Variants in MACROH2A1 observed in about 807,000 individuals in gnomAD.
The protein encoded by MACROH2A1 is macroH2A.1 histone, also known as core histone macro-H2A.1.
MACROH2A1 carries 2 observed loss-of-function variants against 31.6 expected under a neutral mutation model. The observed-to-expected ratio is 0.06, with a 90% CI of 0.03 to 0.20. The LOEUF (loss-of-function observed/expected upper bound fraction) is 0.20, where lower values mean the gene tolerates loss of function less well. MACROH2A1 is among the 10% of genes least tolerant of loss of function. The pLI, the probability that MACROH2A1 is intolerant of heterozygous loss-of-function variation, is 1.00. For missense variants in MACROH2A1, 230 were observed against 474.0 expected (o/e 0.49, Z 4.78); for synonymous variants, 169 against 189.6 (o/e 0.89, Z 0.89).
intron 1 of MACROH2A1, among the ~76,000 whole-genome samples, chr5:135,393,632 T>C (rs1767558679): frequency 6.6e-6 from 1 of 152,256 alleles, no homozygotes; most frequent in Non-Finnish European, 1.5e-5. Context: ...GACAAAGATG[T>C]GTTCTTCCTT....
chr5:135,351,804 C>T (rs915395975), intron 6 of MACROH2A1, among the ~76,000 whole-genome samples: 3 of 151,848 alleles, frequency 2.0e-5, no homozygotes, highest in Non-Finnish European at 4.4e-5. Flanking sequence ...CTCACTCAAT[C>T]CTCCTGCCTC....
At chr5:135,355,339 C>T (rs1762052680) in intron 5 of MACROH2A1, 1 of 441,918 alleles carries the variant, frequency 2.3e-6, no homozygotes, top group African/African-American at 2.0e-5. Flanking sequence ...GTGCAGACTA[C>T]AGTACCTCAG....
At chr5:135,355,184 T>C in intron 5 of MACROH2A1, 1 of 456,072 alleles carries the variant, frequency 2.2e-6, no homozygotes, top group South Asian at 1.5e-5. Flanking sequence ...CTGCTCTGTC[T>C]AGGGGAATGG....
chr5:135,368,454 C>T lies in MACROH2A1; in HGVS notation c.477+952G>A, dbSNP rs146883492. 3.1e-3 allele frequency among the ~76,000 whole-genome samples: 468 copies of T among 152,344 alleles called. 4 individuals are homozygous for T. Among genetic ancestry groups the T allele is most frequent in the African/African-American group, 0.011 (443 of 41,584 alleles). On this transcript the variant is annotated intron_variant, in intron 4 of 8. Coordinates refer to ENST00000511689, the MANE Select transcript of MACROH2A1 (RefSeq NM_138610.3). ...TTCCACAGATGCATTTCCAGGACTT[C>T]TTATTGAGGGTCTTGCAAAATACAG... is the stretch of plus-strand genomic sequence containing the variant.
chr5:135,349,446 G>C (rs1761247229), intron 6 of MACROH2A1, among the ~76,000 whole-genome samples: 1 of 152,158 alleles, frequency 6.6e-6, no homozygotes, highest in African/African-American at 2.4e-5. Context: ...TGGCCTGGCA[G>C]ACTTGGCAAA....
In MACROH2A1 at chr5:135,389,254, C is replaced by G. The variant is rs189995356; in HGVS notation, c.-33-128G>C. 533 of 535,148 alleles carry G rather than the reference C, an allele frequency of 1.0e-3. 2 individuals are homozygous for G. Among genetic ancestry groups the G allele is most frequent in the African/African-American group, 8.9e-3 (470 of 52,746 alleles). The allele number at this position is 535,148 out of a possible 1,614,324, so 33.1% of individuals were successfully genotyped here. On this transcript the variant is annotated intron_variant, in intron 1 of 8. Coordinates refer to ENST00000511689, the MANE Select transcript of MACROH2A1 (RefSeq NM_138610.3). ...ATGCCACTGTCTGTAGCTGCAGGGC[C>G]CTCCGGGTCCAGGTGATGCACTCCG...
chr5:135,353,346 G>A lies in MACROH2A1; in HGVS notation c.589-301C>T, dbSNP rs139097548. 2.0e-3 allele frequency: 696 copies of A among 349,328 alleles called. 5 individuals are homozygous for A. The Middle Eastern group carries it at 0.046, about 23-fold the overall frequency. 21.6% of individuals were successfully genotyped at this position (349,328 alleles called of 1,614,324 possible). A position where few individuals can be genotyped will look rare whatever the true frequency, so the allele number is the denominator to read the frequency against. On this transcript the variant is annotated intron_variant, in intron 5 of 8. Coordinates refer to ENST00000511689, the MANE Select transcript of MACROH2A1 (RefSeq NM_138610.3). ...TCCTTTAAAGGGACTTGTGATCTGG[G>A]GGCCAAAGTAAGGCAGCTATCAGGA... is the stretch of plus-strand genomic sequence containing the variant.
intron 5 of MACROH2A1, chr5:135,359,222 G>A: frequency 1.0e-6 from 1 of 985,432 alleles, no homozygotes; most frequent in Non-Finnish European, 1.2e-6. Flanking sequence ...GGAAAAGAGG[G>A]AGAAGGTGAC....
At chr5:135,382,098 T>C (rs546850744) in intron 2 of MACROH2A1, among the ~76,000 whole-genome samples, 1 of 152,330 alleles carries the variant, frequency 6.6e-6, no homozygotes, top group African/African-American at 2.4e-5. Flanking sequence ...GTCACACCTT[T>C]TTCCTTGCCT....
In MACROH2A1 at chr5:135,398,899, A is replaced by T. The variant is rs947324421; in HGVS notation, c.-34+163T>A. Among the ~76,000 whole-genome samples, 1 of 148,276 alleles carries T rather than the reference A, an allele frequency of 6.7e-6. No individual in the cohort carries two copies. The highest frequency in any genetic ancestry group is 2.1e-4 in the East Asian group (1 of 4,846). On this transcript the variant is annotated intron_variant, in intron 1 of 8. Coordinates refer to ENST00000511689, the MANE Select transcript of MACROH2A1 (RefSeq NM_138610.3). This position sits in a 1 kb window ranked among gnomAD's most constrained non-coding sequence, Gnocchi z 4.6. ...GGCCCGACAAGGCCTGGGAGGACGT[A>T]GTGCACGCGCGAGGACCCGGCGTGG...
chr5:135,339,940 G>C (rs1759506882), intron 8 of MACROH2A1, among the ~76,000 whole-genome samples: 1 of 152,234 alleles, frequency 6.6e-6, no homozygotes, highest in Non-Finnish European at 1.5e-5. Context: ...CCATTCAAAG[G>C]TCTCTTGAGT....
At chr5:135,375,588 T>C (rs923953392) in intron 2 of MACROH2A1, among the ~76,000 whole-genome samples, 2 of 152,260 alleles carry the variant, frequency 1.3e-5, no homozygotes, top group Admixed American at 6.5e-5. Context: ...TAACAGGTGA[T>C]GTGTTGAGGC....
chr5:135,336,480 A>G (rs1758688363), intron 8 of MACROH2A1, among the ~76,000 whole-genome samples: 3 of 151,936 alleles, frequency 2.0e-5, no homozygotes, highest in Non-Finnish European at 4.4e-5. Context: ...GTGGGGGGCA[A>G]CCCAGGGTTC....
At chr5:135,336,277 C>G (rs943974209) in intron 8 of MACROH2A1, among the ~76,000 whole-genome samples, 2 of 152,236 alleles carry the variant, frequency 1.3e-5, no homozygotes, top group African/African-American at 4.8e-5. Flanking sequence ...AACATCTCAG[C>G]GATCCACTGT....
intron 5 of MACROH2A1, chr5:135,359,058 C>T: frequency 1.0e-6 from 1 of 985,266 alleles, no homozygotes; most frequent in Non-Finnish European, 1.2e-6. Flanking sequence ...ATTTTTACAG[C>T]CATATTTGCT....
intron 2 of MACROH2A1, among the ~76,000 whole-genome samples, chr5:135,387,779 A>G (rs1013315957): frequency 1.3e-5 from 2 of 152,146 alleles, no homozygotes; most frequent in African/African-American, 2.4e-5. Context: ...CTGTGAAACC[A>G]CAAATAAGAT....
intron 2 of MACROH2A1, among the ~76,000 whole-genome samples, chr5:135,378,934 A>C (rs1430419458): frequency 1.3e-5 from 2 of 152,184 alleles, no homozygotes; most frequent in Non-Finnish European, 2.9e-5. Context: ...GTGAAAGGGC[A>C]AGAAAAACAA....
Position 135,383,098 on chromosome 5 carries a change from T to C in MACROH2A1, c.172+5824A>G, listed in dbSNP as rs539572027. ...CTTGGGTCTGTTAACTTGCTGGCCA[T>C]ATAATACCACATCATCAGGGAAATG... On this transcript the variant is annotated intron_variant, in intron 2 of 8. Transcript: ENST00000511689. Among the ~76,000 whole-genome samples, 59 of 152,310 alleles carry C rather than the reference T, an allele frequency of 3.9e-4. 1 individual carries two copies. The highest frequency in any genetic ancestry group is 3.1e-3 in the South Asian group (15 of 4,830).
At chr5:135,348,175 T>C (rs2149758214) in intron 6 of MACROH2A1, among the ~76,000 whole-genome samples, 1 of 152,360 alleles carries the variant, frequency 6.6e-6, no homozygotes, top group East Asian at 1.9e-4. Flanking sequence ...CACATATGTA[T>C]GCACATGTTC....
Sources: allele counts gnomAD v4.1 joint callset (sites outside exome capture counted in the v4.1 genomes callset), GRCh38; gene constraint gnomAD v4.1.1; non-coding constraint Gnocchi (gnomAD v3.1); transcripts MANE v1.5; gene names NCBI Gene and HGNC (gene_info 2026-07-23, HGNC 2026-07-21).